POR: variants seen among roughly 807,000 people sequenced by gnomAD.
POR encodes the protein cytochrome p450 oxidoreductase, also known as NADPH--cytochrome P450 reductase.
POR carries 56 observed loss-of-function variants against 84.0 expected under a neutral mutation model. The ratio of observed to expected loss-of-function variants is 0.67; its 90% CI spans 0.54 to 0.83. POR has a LOEUF of 0.83. Among genes scored for constraint, POR ranks in the 40% least tolerant of loss-of-function variants. The pLI, the probability that POR is intolerant of heterozygous loss-of-function variation, is 0.00. For missense variants in POR, 938 were observed against 944.3 expected (o/e 0.99, Z 0.09); for synonymous variants, 414 against 400.5 (o/e 1.03, Z -0.40).
At chr7:75,947,913 CG>C (rs1219930286) in intron 1 of POR, among the ~76,000 whole-genome samples, 1 of 151,960 alleles carries the variant, frequency 6.6e-6, no homozygotes, top group African/African-American at 2.4e-5. Context: ...AAGGGGAAAA[CG>C]GTTAAGTTTC....
At chr7:75,952,915 G>T (rs1787511493) in intron 1 of POR, among the ~76,000 whole-genome samples, 1 of 152,224 alleles carries the variant, frequency 6.6e-6, no homozygotes, top group Non-Finnish European at 1.5e-5. Flanking sequence ...CTTCCCAGAC[G>T]GGGTGGCGGC....
At chr7:75,983,144 C>G (rs1789160820) in intron 8 of POR, among the ~76,000 whole-genome samples, 3 of 152,196 alleles carry the variant, frequency 2.0e-5, no homozygotes, top group East Asian at 1.9e-4. Flanking sequence ...AGTTCAAGAC[C>G]AGCCTGGCCA....
intron 10 of POR, among the ~76,000 whole-genome samples, chr7:75,984,543 C>T (rs1277060540): frequency 6.6e-6 from 1 of 152,174 alleles, no homozygotes; most frequent in Non-Finnish European, 1.5e-5. Context: ...CAGGGGCTCC[C>T]CCGCACCTCC....
At chr7:75,922,721 G>A in intron 1 of POR, 1 of 359,800 alleles carries the variant, frequency 2.8e-6, no homozygotes, top group Non-Finnish European at 5.2e-6. Flanking sequence ...CAGTGGTGGG[G>A]TTGCGCATGT....
chr7:75,955,919 A>G (rs1787666930), intron 2 of POR, among the ~76,000 whole-genome samples: 3 of 152,220 alleles, frequency 2.0e-5, no homozygotes, highest in African/African-American at 7.2e-5. Flanking sequence ...CCGCCAGAAC[A>G]CTTACAGCCT....
rs180943541 is a variant in POR at position 75,936,978 on chromosome 7, C to T, written c.-4-17011C>T. Among the ~76,000 whole-genome samples, 593 of 151,690 alleles carry T rather than the reference C, an allele frequency of 3.9e-3. 4 individuals are homozygous for T. Among genetic ancestry groups the T allele is most frequent in the African/African-American group, 0.011 (475 of 41,434 alleles). ...AGTAGCTGGGATTACAGGCGCCCGC[C>T]ACCACACCCGGCTAATTTTTTTGTA... On this transcript the variant is annotated intron_variant, in intron 1 of 15. Coordinates refer to ENST00000461988, the MANE Select transcript of POR (RefSeq NM_000941.3).
intron 2 of POR, among the ~76,000 whole-genome samples, chr7:75,961,197 C>A (rs782333940): frequency 6.7e-6 from 1 of 149,760 alleles, no homozygotes; most frequent in Non-Finnish European, 1.5e-5. Flanking sequence ...CACGCTACTG[C>A]ATTCCAGCCT....
intron 3 of POR, among the ~76,000 whole-genome samples, chr7:75,977,118 A>G (rs1481161381): frequency 1.3e-5 from 2 of 152,148 alleles, no homozygotes; most frequent in Non-Finnish European, 2.9e-5. Context: ...CTCCCAAAGT[A>G]CTAGGATTAC....
chr7:75,985,609 G>T lies in POR; in HGVS notation c.1429G>T (p.Val477Leu), dbSNP rs1245221199. Residue 477 changes from valine to leucine, a missense_variant, in exon 13 of 16, where the codon GTG becomes TTG. By Grantham distance (32) the Val-to-Leu change is conservative. Coordinates refer to ENST00000461988, the MANE Select transcript of POR (RefSeq NM_000941.3). The stretch of plus-strand genomic sequence containing the variant: ...CCCCAACTCTGTGCACATCTGTGCG[G>T]TGGTTGTGGAGTACGAGACCAAGGC... 5.1e-6 allele frequency: 8 copies of T among 1,581,214 alleles called. No individual in the cohort carries two copies. Among genetic ancestry groups the T allele is most frequent in the African/African-American group, 1.3e-5 (1 of 74,504 alleles).
intron 1 of POR, among the ~76,000 whole-genome samples, chr7:75,951,921 C>T (rs1043106027): frequency 5.3e-5 from 8 of 152,146 alleles, no homozygotes. Flanking sequence ...CATGGGGGTT[C>T]CCCCACCTCC....
intron 2 of POR, among the ~76,000 whole-genome samples, chr7:75,970,703 C>A (rs1357638587): frequency 6.7e-6 from 1 of 150,224 alleles, no homozygotes; most frequent in African/African-American, 2.4e-5. Context: ...GAGCCAAGAT[C>A]GTGCCACTGC....
At position 75,981,100 on chromosome 7, in the gene POR, A is replaced by G. The variant is rs782681272; in HGVS notation, c.569A>G (p.Tyr190Cys). ...GAGCACTTCAATGCCATGGGCAAGTACGTGGACAAGCGGCTGGAGCAGCTC... is the reference window on the plus strand; with the variant it reads ...GAGCACTTCAATGCCATGGGCAAGTGCGTGGACAAGCGGCTGGAGCAGCTC... Residue 190 changes from tyrosine (Y) to cysteine (C), a missense_variant, in exon 6 of 16, where the codon TAC becomes TGC. Tyr to Cys is a radical substitution (Grantham distance 194). Transcript: ENST00000461988. The G allele has an allele frequency of 1.0e-4, 161 of 1,571,712 alleles. No individual in the cohort carries two copies. The South Asian group carries it at 1.4e-3, about 14-fold the overall frequency.
At chr7:75,930,886 GATC>G (rs1307670835) in intron 1 of POR, among the ~76,000 whole-genome samples, 1 of 151,968 alleles carries the variant, frequency 6.6e-6, no homozygotes, top group East Asian at 1.9e-4. Flanking sequence ...GCAGTGTTGG[GATC>G]ATATCTCACT....
rs1042870236 is a variant in POR at position 75,920,610 on chromosome 7, G to C, written c.-5+5431G>C. 5.9e-5 allele frequency among the ~76,000 whole-genome samples: 9 copies of C among 152,126 alleles called. 1 individual carries two copies. Among genetic ancestry groups the C allele is most frequent in the African/African-American group, 2.2e-4 (9 of 41,486 alleles). ...CCTACAGCCCTGTTTCTGAGCTCAC[G>C]TCACATCACCTCTGCGGTGGTGATG... On this transcript the variant is annotated intron_variant, in intron 1 of 15. Coordinates refer to ENST00000461988, the MANE Select transcript of POR (RefSeq NM_000941.3).
At chr7:75,927,605 T>C (rs571195660) in intron 1 of POR, among the ~76,000 whole-genome samples, 1 of 152,154 alleles carries the variant, frequency 6.6e-6, no homozygotes, top group Non-Finnish European at 1.5e-5. Flanking sequence ...TGGGTGAATA[T>C]AGTGAAAACC....
chr7:75,985,224 C>A lies in POR; in HGVS notation c.1398+17C>A. The stretch of plus-strand genomic sequence containing the variant: ...TCCTCCAAGGTGAGGGCCGGCACTG[C>A]CCTGCCAGCCACACGCTGGAGGCCC... On this transcript the variant is annotated intron_variant, in intron 12 of 15. Transcript: ENST00000461988. 1 of 1,573,270 alleles carries A rather than the reference C, an allele frequency of 6.4e-7. No individual in the cohort carries two copies. Among genetic ancestry groups the A allele is most frequent in the Non-Finnish European group, 8.6e-7 (1 of 1,162,544 alleles).
intron 2 of POR, among the ~76,000 whole-genome samples, chr7:75,968,925 C>T (rs538783379): frequency 1.3e-5 from 2 of 152,356 alleles, no homozygotes; most frequent in South Asian, 2.1e-4. Flanking sequence ...GGATGGGAGC[C>T]GAGCTTGGAA....
At chr7:75,983,992 TTACA>T (rs1789245889) in intron 10 of POR, 136 bp downstream of exon 10, 1 of 701,110 alleles carries the variant, frequency 1.4e-6, no homozygotes, top group Non-Finnish European at 2.3e-6. Flanking sequence ...GACTCCACGG[TTACA>T]GGATCCCAAG....
At chr7:75,982,170 C>G (rs1789088073) in intron 7 of POR, 54 bp from the exon 8 acceptor site, 8 of 1,425,152 alleles carry the variant, frequency 5.6e-6, no homozygotes, top group Non-Finnish European at 7.8e-6. Context: ...ACCCCTCCCT[C>G]TCGGGACTGA....
Sources: gnomAD v4.1 joint callset for allele counts (sites outside exome capture counted in the v4.1 genomes callset) on GRCh38, gnomAD v4.1.1 for gene constraint, MANE v1.5 for transcripts, NCBI Gene and HGNC (gene_info 2026-07-23, HGNC 2026-07-21) for gene names.